LRP5: variants seen among roughly 807,000 people sequenced by gnomAD.
The protein encoded by LRP5 is LDL receptor related protein 5.
Under a neutral mutation model 154.1 loss-of-function variants are expected in LRP5, and 62 were observed. The ratio of observed to expected loss-of-function variants is 0.40; its 90% CI spans 0.33 to 0.50. The LOEUF is 0.50. Ranked by LOEUF, LRP5 falls within the 20% of genes least tolerant of loss-of-function variation. The pLI is 0.55. For missense variants in LRP5, 1,915 were observed against 2,336.7 expected (o/e 0.82, Z 3.72); for synonymous variants, 966 against 1,011.5 (o/e 0.96, Z 0.85).
At chr11:68,430,945 G>T (rs1444304882) in intron 17 of LRP5, among the ~76,000 whole-genome samples, 1 of 152,194 alleles carries the variant, frequency 6.6e-6, no homozygotes, top group Non-Finnish European at 1.5e-5. Context: ...CACTTACCTG[G>T]CAGGCTGTCA....
the LRP5 span, among the ~76,000 whole-genome samples, chr11:68,305,346 C>G: frequency 4.6e-5 from 7 of 151,980 alleles, no homozygotes; most frequent in African/African-American, 1.2e-4. Flanking sequence ...GCCTTCCCAG[C>G]AACCAAGCAG....
intron 5 of LRP5, among the ~76,000 whole-genome samples, chr11:68,382,039 G>A (rs958833193): frequency 2.0e-5 from 3 of 152,228 alleles, no homozygotes; most frequent in Admixed American, 6.5e-5. Context: ...CAGACCTTCA[G>A]GCAAATGGGT....
intron 7 of LRP5, among the ~76,000 whole-genome samples, chr11:68,399,935 C>A (rs1302140047): frequency 2.0e-5 from 3 of 152,226 alleles, no homozygotes; most frequent in African/African-American, 7.2e-5. Flanking sequence ...GCCGGGTCCA[C>A]CGGGTGCCCT....
chr11:68,378,436 C>T (rs1414713726), intron 5 of LRP5, among the ~76,000 whole-genome samples: 1 of 152,066 alleles, frequency 6.6e-6, no homozygotes. Context: ...GGTACCCACA[C>T]CCCAGGGCAA....
At chr11:68,378,641 T>C (rs955500243) in intron 5 of LRP5, among the ~76,000 whole-genome samples, 1 of 152,202 alleles carries the variant, frequency 6.6e-6, no homozygotes, top group African/African-American at 2.4e-5. Context: ...AAGGAAAACA[T>C]TATAAAAAAT....
In LRP5 at chr11:68,439,760, C is replaced by T. The variant is rs372086596; in HGVS notation, c.4349-17C>T. 82 of 1,607,008 alleles carry T rather than the reference C, an allele frequency of 5.1e-5. No individual in the cohort carries two copies. The East Asian group carries it at 1.3e-3, about 25-fold the overall frequency. The stretch of plus-strand genomic sequence containing the variant: ...AGCCTGGAAGCCACCTGACCTCCCC[C>T]GTCCCTTCCCTGCCAGGCATCGCAT... On this transcript the variant is annotated splice_polypyrimidine_tract_variant and intron_variant, in intron 20 of 22. Transcript: ENST00000294304.
At chr11:68,407,114 G>A (rs1261071713) in intron 9 of LRP5, among the ~76,000 whole-genome samples, 1 of 151,792 alleles carries the variant, frequency 6.6e-6, no homozygotes, top group Non-Finnish European at 1.5e-5. Flanking sequence ...TTGCTCAGCA[G>A]ACTCTTTCTT....
intron 7 of LRP5, among the ~76,000 whole-genome samples, chr11:68,396,891 A>G (rs1247183448): frequency 6.6e-6 from 1 of 152,110 alleles, no homozygotes; most frequent in Non-Finnish European, 1.5e-5. Context: ...CTGCCCCACC[A>G]CGTGTGAAGC....
chr11:68,365,458 G>T, intron 4 of LRP5, 113 bp from the exon 5 acceptor site: 1 of 1,504,718 alleles, frequency 6.6e-7, no homozygotes, highest in Non-Finnish European at 9.2e-7. Flanking sequence ...CGATGTTTGG[G>T]CAGAGGGACA....
chr11:68,399,645 C>T (rs1175475203), intron 7 of LRP5, among the ~76,000 whole-genome samples: 2 of 152,318 alleles, frequency 1.3e-5, no homozygotes, highest in South Asian at 2.1e-4. Flanking sequence ...AGGACAGGCA[C>T]GTTCTCTGCA....
chr11:68,333,812 C>T (rs751704363), intron 1 of LRP5, among the ~76,000 whole-genome samples: 2 of 152,122 alleles, frequency 1.3e-5, no homozygotes, highest in African/African-American at 2.4e-5. Context: ...TAGATGTTCA[C>T]GGATAGGAAG....
At chr11:68,439,315 C>T (rs1417925420) in intron 20 of LRP5, among the ~76,000 whole-genome samples, 1 of 152,238 alleles carries the variant, frequency 6.6e-6, no homozygotes, top group Non-Finnish European at 1.5e-5. Context: ...TCTCCCCTGT[C>T]CTGTCCCACT....
rs757683069 is a variant in LRP5, at chr11:68,438,574, C to A, written c.4240C>A (p.Arg1414Ser). ...TGTGTGCCAGCGCGTGGTGTGCCAG[C>A]GCTATGCGGGGGCCAACGGGCCCTT... The part of the protein sequence containing the change: ...YFVCQRVVCQ[R>S]YAGANGPFPH... Residue 1414 changes from arginine (R) to serine (S), a missense_variant, in exon 20 of 23, where the codon CGC becomes AGC. Coordinates refer to ENST00000294304, the MANE Select transcript of LRP5 (RefSeq NM_002335.4). The A allele has an allele frequency of 4.5e-5, 73 of 1,614,126 alleles. 1 individual carries two copies. The South Asian group carries it at 5.7e-4, about 13-fold the overall frequency.
intron 5 of LRP5, among the ~76,000 whole-genome samples, chr11:68,375,070 C>T (rs73513059): frequency 0.024 from 3,732 of 152,334 alleles, 143 homozygotes; most frequent in African/African-American, 0.084. Flanking sequence ...TCTTCAGTGG[C>T]GAGCTTTGCG....
chr11:68,364,133 T>G (rs2098629587), intron 4 of LRP5, among the ~76,000 whole-genome samples, 190 bp downstream of exon 4: 1 of 147,434 alleles, frequency 6.8e-6, no homozygotes, highest in Non-Finnish European at 1.5e-5. Context: ...CCTGCTGCAA[T>G]GGAGGGAGGT....
intron 3 of LRP5, among the ~76,000 whole-genome samples, chr11:68,359,489 C>G (rs1300944653): frequency 6.6e-6 from 1 of 152,102 alleles, no homozygotes; most frequent in Non-Finnish European, 1.5e-5. Flanking sequence ...AAGGCTGCAG[C>G]TGGGAGTGCC....
At chr11:68,366,518 G>A (rs2098631148) in intron 5 of LRP5, among the ~76,000 whole-genome samples, 1 of 152,200 alleles carries the variant, frequency 6.6e-6, no homozygotes, top group African/African-American at 2.4e-5. Context: ...GCTAGGGTCT[G>A]TGTTTGTGTG....
intron 9 of LRP5, among the ~76,000 whole-genome samples, chr11:68,407,424 G>A (rs944027861): frequency 6.6e-6 from 1 of 150,790 alleles, no homozygotes; most frequent in African/African-American, 2.4e-5. Flanking sequence ...TGCCCGCCTC[G>A]GCCTCCCAAA....
chr11:68,402,068 C>T (rs2098652894), intron 7 of LRP5, among the ~76,000 whole-genome samples: 1 of 152,208 alleles, frequency 6.6e-6, no homozygotes, highest in Non-Finnish European at 1.5e-5. Flanking sequence ...TTCCATCTGC[C>T]TTACAGTTTT....
Sources: allele counts gnomAD v4.1 joint callset (sites outside exome capture counted in the v4.1 genomes callset), GRCh38; gene constraint gnomAD v4.1.1; transcripts MANE v1.5; gene names NCBI Gene and HGNC (gene_info 2026-07-23, HGNC 2026-07-21).